Variants in C12orf42 observed in about 807,000 individuals in gnomAD.
The protein encoded by C12orf42 is chromosome 12 open reading frame 42.
In C12orf42, 25 loss-of-function variants were observed where a neutral mutation model predicts 21.6. That is an observed-to-expected ratio of 1.16 (90% CI 0.84 to 1.62). C12orf42 has a LOEUF of 1.62. Among genes scored for constraint, C12orf42 ranks in the 40% most tolerant of loss-of-function variants. The pLI is 0.00. For synonymous variants in C12orf42, 174 were observed against 175.0 expected (o/e 0.99, Z 0.05); for missense variants, 483 against 459.3 (o/e 1.05, Z -0.47).
At chr12:103,539,993 T>TTTTTTGTTTTTG in the C12orf42 span, among the ~76,000 whole-genome samples, 28,553 of 150,844 alleles carry the variant, frequency 0.19, 2,959 homozygotes, top group South Asian at 0.28. Context: ...CATGAGGTCG[T>TTTTTTGTTTTTG]TTTTTGTTTT....
intron 2 of C12orf42, among the ~76,000 whole-genome samples, chr12:103,464,089 C>T (rs1014815856): frequency 4.6e-5 from 7 of 152,086 alleles, no homozygotes; most frequent in Non-Finnish European, 8.8e-5. Context: ...GGTATATAAC[C>T]AGTAATGAGA....
intron 10 of C12orf42, among the ~76,000 whole-genome samples, chr12:103,252,103 A>G (rs546491561): frequency 2.0e-5 from 3 of 152,132 alleles, no homozygotes; most frequent in Admixed American, 2.0e-4. Flanking sequence ...TATTTGTCCT[A>G]ATGCTCTCTC....
chr12:103,200,061 A>G, the C12orf42 span, among the ~76,000 whole-genome samples: 2 of 152,206 alleles, frequency 1.3e-5, no homozygotes. Flanking sequence ...TCACAATAGC[A>G]AAGATATGGA....
chr12:103,287,814 G>A (rs1279347386), intron 4 of C12orf42, among the ~76,000 whole-genome samples: 2 of 151,724 alleles, frequency 1.3e-5, no homozygotes, highest in Admixed American at 1.3e-4. Context: ...GAAAGAGAGA[G>A]AGAGAGACAG....
chr12:103,450,327 A>T (rs1407781607), intron 2 of C12orf42, among the ~76,000 whole-genome samples: 1 of 152,074 alleles, frequency 6.6e-6, no homozygotes, highest in Non-Finnish European at 1.5e-5. Context: ...TGATATCAAG[A>T]TTATGTACTA....
chr12:103,291,405 T>G (rs2036813413), intron 4 of C12orf42, among the ~76,000 whole-genome samples: 1 of 152,192 alleles, frequency 6.6e-6, no homozygotes, highest in Admixed American at 6.5e-5. Context: ...GTTGGCTTCA[T>G]GCAGCAAAGA....
At chr12:103,095,772 T>G in the C12orf42 span, among the ~76,000 whole-genome samples, 2 of 152,206 alleles carry the variant, frequency 1.3e-5, no homozygotes, top group Non-Finnish European at 2.9e-5. Context: ...CAGTAAGTAT[T>G]GAGTGAATAA....
intron 2 of C12orf42, among the ~76,000 whole-genome samples, chr12:103,415,857 T>C (rs1306333117): frequency 2.0e-5 from 3 of 152,186 alleles, no homozygotes; most frequent in Admixed American, 1.3e-4. Context: ...GGTGTTTTCT[T>C]GTGGAGACAG....
In C12orf42 at chr12:103,275,512, A is replaced by G. The variant is rs181684734; in HGVS notation, n.398+1638T>C. Among the ~76,000 whole-genome samples, 5 of 152,288 alleles carry G rather than the reference A, an allele frequency of 3.3e-5. No individual in the cohort carries two copies. The East Asian group carries it at 9.7e-4, about 29-fold the overall frequency. On this transcript the variant is annotated intron_variant and non_coding_transcript_variant, in intron 5 of 6. Coordinates refer to the C12orf42 transcript ENST00000546526. ...TAGTTTTATGCCGAACTTCAAAGGAACAAGTAATCCTGACCTTAGATAAAT... is the reference window on the plus strand; with the variant it reads ...TAGTTTTATGCCGAACTTCAAAGGAGCAAGTAATCCTGACCTTAGATAAAT...
At chr12:103,073,540 A>T in the C12orf42 span, among the ~76,000 whole-genome samples, 1 of 152,078 alleles carries the variant, frequency 6.6e-6, no homozygotes, top group Admixed American at 6.6e-5. Context: ...ATAAAAATTC[A>T]AAAGGCAAAT....
At chr12:103,130,902 T>A in the C12orf42 span, among the ~76,000 whole-genome samples, 1 of 152,172 alleles carries the variant, frequency 6.6e-6, no homozygotes, top group African/African-American at 2.4e-5. Flanking sequence ...ACTTACCAAC[T>A]AGTCAATGGT....
chr12:103,193,741 A>C, the C12orf42 span, among the ~76,000 whole-genome samples: 3 of 152,206 alleles, frequency 2.0e-5, no homozygotes, highest in Non-Finnish European at 2.9e-5. Context: ...AGAAGGCTTT[A>C]CAGGTGAATT....
intron 10 of C12orf42, among the ~76,000 whole-genome samples, chr12:103,249,317 G>A (rs2034163147): frequency 6.6e-6 from 1 of 151,922 alleles, no homozygotes. Context: ...TGAAAAGGCA[G>A]GACTTAAAGA....
chr12:103,383,122 CTT>C (rs10552452), intron 3 of C12orf42, among the ~76,000 whole-genome samples: 93,432 of 148,264 alleles, frequency 0.63, 29,759 homozygotes, highest in Admixed American at 0.73. Flanking sequence ...CTGACTCATT[CTT>C]TTTTTTTTTT....
chr12:103,128,957 C>A, the C12orf42 span, among the ~76,000 whole-genome samples: 1 of 152,120 alleles, frequency 6.6e-6, no homozygotes, highest in Non-Finnish European at 1.5e-5. Flanking sequence ...GACTGCAGAA[C>A]CTGAGGCATA....
chr12:103,488,815 C>A (rs754251922), intron 1 of C12orf42, among the ~76,000 whole-genome samples: 1 of 152,150 alleles, frequency 6.6e-6, no homozygotes, highest in African/African-American at 2.4e-5. Context: ...CACTTAAGGT[C>A]TTCTCTACAC....
chr12:103,352,810 G>A (rs1164187869), intron 4 of C12orf42, among the ~76,000 whole-genome samples: 2 of 152,092 alleles, frequency 1.3e-5, no homozygotes, highest in East Asian at 1.9e-4. Context: ...TATGCCATAG[G>A]ATTTTTTATG....
chr12:103,511,702 C>T, the C12orf42 span, among the ~76,000 whole-genome samples: 2 of 152,182 alleles, frequency 1.3e-5, no homozygotes, highest in African/African-American at 2.4e-5. Flanking sequence ...GGTGGAGACA[C>T]ACTCACTCAC....
the C12orf42 span, among the ~76,000 whole-genome samples, chr12:103,085,741 C>T: frequency 6.6e-6 from 1 of 152,102 alleles, no homozygotes. Flanking sequence ...AGCTTTCATT[C>T]TCTTACTTTC....
Sources: gnomAD v4.1 joint callset for allele counts (sites outside exome capture counted in the v4.1 genomes callset) on GRCh38, gnomAD v4.1.1 for gene constraint, MANE v1.5 for transcripts, NCBI Gene and HGNC (gene_info 2026-07-23, HGNC 2026-07-21) for gene names.